SHLD1: variants seen among roughly 807,000 people sequenced by gnomAD.
SHLD1 encodes RINN1-REV7-interacting novel NHEJ regulator 3.
Under a neutral mutation model 5.5 loss-of-function variants are expected in SHLD1, and 3 were observed. That is an observed-to-expected ratio of 0.54 (90% CI 0.25 to 1.40). SHLD1 has a LOEUF of 1.40. Ranked by LOEUF, SHLD1 falls within the 40% of genes most tolerant of loss-of-function variation. The probability of loss-of-function intolerance (pLI) is 0.15; values close to 1 mark genes in which losing one functional copy is unlikely to be tolerated. For missense variants in SHLD1, 210 were observed against 244.4 expected (o/e 0.86, Z 0.94); for synonymous variants, 92 against 94.3 (o/e 0.98, Z 0.14).
chr20:5,824,657 C>G (rs2087646060), intron 2 of SHLD1, among the ~76,000 whole-genome samples: 1 of 147,914 alleles, frequency 6.8e-6, no homozygotes, highest in Admixed American at 6.7e-5. Flanking sequence ...AAACCTGGCT[C>G]CCAACCTCAA....
chr20:5,820,753 C>T (rs1034563046), intron 2 of SHLD1, among the ~76,000 whole-genome samples: 1 of 152,254 alleles, frequency 6.6e-6, no homozygotes, highest in East Asian at 1.9e-4. Context: ...TTATTTATGT[C>T]TCCTTTGATC....
chr20:5,825,205 A>C (rs1215654686), intron 2 of SHLD1, among the ~76,000 whole-genome samples: 1 of 152,224 alleles, frequency 6.6e-6, no homozygotes, highest in Non-Finnish European at 1.5e-5. Flanking sequence ...CAGCTTCAGA[A>C]ATGGACCATT....
intron 2 of SHLD1, among the ~76,000 whole-genome samples, chr20:5,808,135 C>T (rs2087407253): frequency 6.6e-6 from 1 of 151,994 alleles, no homozygotes; most frequent in South Asian, 2.1e-4. Context: ...TAAAAATTAG[C>T]TGGGCATGGT....
intron 2 of SHLD1, among the ~76,000 whole-genome samples, chr20:5,786,902 TG>T: frequency 4.7e-4 from 1 of 2,116 alleles, no homozygotes; most frequent in South Asian, 0.056. Flanking sequence ...CCAGATCATT[TG>T]ATCATTTGTT....
In SHLD1 at chr20:5,789,208, C is replaced by CT. The variant is rs10545298; in HGVS notation, c.178+16181dup. Among the ~76,000 whole-genome samples, 99 of 141,986 alleles carry CT rather than the reference C, an allele frequency of 7.0e-4. 2 individuals carry two copies. The South Asian group carries it at 0.015, about 22-fold the overall frequency. The allele number at this position is 141,986 out of a possible 152,430, so 93.1% of individuals were successfully genotyped here. The stretch of plus-strand genomic sequence containing the variant: ...TATACGTTTGCCAATAAAAGTTGTG[C>CT]TTTTTTTTTTTTTTTTGGCAAAGAT... On this transcript the variant is annotated intron_variant, in intron 2 of 2. Coordinates refer to ENST00000303142, the MANE Select transcript of SHLD1 (RefSeq NM_152504.4).
intron 2 of SHLD1, among the ~76,000 whole-genome samples, chr20:5,847,984 G>A (rs55705402): frequency 0.019 from 2,907 of 152,178 alleles, 75 homozygotes; most frequent in East Asian, 0.099. Context: ...ATTAAATATA[G>A]CCTACCTGTC....
intron 2 of SHLD1, among the ~76,000 whole-genome samples, chr20:5,852,072 A>G (rs1221724014): frequency 1.3e-5 from 2 of 152,076 alleles, no homozygotes; most frequent in East Asian, 1.9e-4. Context: ...ACCTTCCACC[A>G]TTAATAAAAG....
intron 2 of SHLD1, among the ~76,000 whole-genome samples, chr20:5,816,371 G>A (rs564732969): frequency 3.3e-4 from 51 of 152,282 alleles, no homozygotes; most frequent in Admixed American, 1.0e-3. Context: ...GTTCTACTGC[G>A]TATATTCGGG....
intron 1 of SHLD1, among the ~76,000 whole-genome samples, chr20:5,760,974 G>A (rs1179606868): frequency 6.6e-6 from 1 of 152,012 alleles, no homozygotes; most frequent in Non-Finnish European, 1.5e-5. Context: ...TGCCAAAGGG[G>A]TGTGATGAAA....
intron 2 of SHLD1, among the ~76,000 whole-genome samples, chr20:5,812,172 A>G (rs77002909): frequency 0.019 from 2,924 of 150,194 alleles, 99 homozygotes; most frequent in African/African-American, 0.068. Context: ...CCACAAATCT[A>G]TTAGCATTTC....
intron 1 of SHLD1, among the ~76,000 whole-genome samples, chr20:5,770,709 A>G (rs1467370081): frequency 2.0e-5 from 3 of 152,186 alleles, no homozygotes; most frequent in Non-Finnish European, 4.4e-5. Flanking sequence ...GATTTCCAGC[A>G]CTACATTATT....
rs559243268 is a variant in SHLD1 at position 5,803,629 on chromosome 20, G to A, written c.178+30586G>A. On this transcript the variant is annotated intron_variant, in intron 2 of 2. Transcript: ENST00000303142. The stretch of plus-strand genomic sequence containing the variant: ...CTCACACCTGTAATCCCAGCACTTC[G>A]GGAGGCCGAAGCAGGCAGATCACAA... Among the ~76,000 whole-genome samples, 4 of 152,134 alleles carry A rather than the reference G, an allele frequency of 2.6e-5. No homozygotes were observed. In the East Asian group the frequency reaches 7.7e-4, roughly 29 times the overall value.
chr20:5,844,498 G>A (rs2122475811), intron 2 of SHLD1, among the ~76,000 whole-genome samples: 1 of 152,220 alleles, frequency 6.6e-6, no homozygotes, highest in South Asian at 2.1e-4. Flanking sequence ...GGGCTTCTGT[G>A]TTTGACACTC....
chr20:5,788,708 A>G (rs1346760122), intron 2 of SHLD1, among the ~76,000 whole-genome samples: 1 of 152,228 alleles, frequency 6.6e-6, no homozygotes, highest in Non-Finnish European at 1.5e-5. Context: ...CTGAAATCCA[A>G]GGAGGTAATT....
At chr20:5,764,785 G>A (rs1298025059) in intron 1 of SHLD1, among the ~76,000 whole-genome samples, 2 of 152,176 alleles carry the variant, frequency 1.3e-5, no homozygotes, top group East Asian at 3.8e-4. Flanking sequence ...GATGAAGCAA[G>A]TCATAGAAAG....
At chr20:5,769,006 A>T (rs1310269999) in intron 1 of SHLD1, among the ~76,000 whole-genome samples, 1 of 151,644 alleles carries the variant, frequency 6.6e-6, no homozygotes, top group Admixed American at 6.6e-5. Flanking sequence ...CCCAGGCTCA[A>T]GTGATCCTCC....
intron 1 of SHLD1, among the ~76,000 whole-genome samples, chr20:5,751,809 T>TA (rs1203467790): frequency 2.0e-5 from 3 of 151,724 alleles, no homozygotes; most frequent in Non-Finnish European, 4.4e-5. Context: ...TTGTTTTTTT[T>TA]ACATTTTAGG....
At chr20:5,755,921 A>G (rs1337124200) in intron 1 of SHLD1, among the ~76,000 whole-genome samples, 1 of 152,142 alleles carries the variant, frequency 6.6e-6, no homozygotes, top group Non-Finnish European at 1.5e-5. Context: ...AGCCATTTCA[A>G]ACTATGACAA....
chr20:5,778,283 GT>G (rs377277543), intron 2 of SHLD1, among the ~76,000 whole-genome samples: 35,820 of 129,806 alleles, frequency 0.28, 4,360 homozygotes, highest in African/African-American at 0.35. Context: ...TGCCTGGCTA[GT>G]TTTTTTTTTT....
Sources: allele counts gnomAD v4.1 joint callset (sites outside exome capture counted in the v4.1 genomes callset), GRCh38; gene constraint gnomAD v4.1.1; transcripts MANE v1.5; gene names NCBI Gene and HGNC (gene_info 2026-07-23, HGNC 2026-07-21).